Variants in KANSL3 observed in about 807,000 individuals in gnomAD.
The protein encoded by KANSL3 is NSL complex protein NSL3.
Under a neutral mutation model 89.2 loss-of-function variants are expected in KANSL3, and 16 were observed. The observed-to-expected ratio is 0.18, with a 90% CI of 0.12 to 0.27. The LOEUF is 0.27. KANSL3 is among the 10% of genes least tolerant of loss of function. The pLI, the probability that KANSL3 is intolerant of heterozygous loss-of-function variation, is 1.00. For missense variants in KANSL3, 879 were observed against 1,110.6 expected (o/e 0.79, Z 2.96); for synonymous variants, 385 against 419.7 (o/e 0.92, Z 1.01).
At chr2:96,598,908 CAAAAAAAA>C (rs10551331) in intron 20 of KANSL3, among the ~76,000 whole-genome samples, 96 of 44,968 alleles carry the variant, frequency 2.1e-3, no homozygotes, top group East Asian at 4.5e-3. Context: ...GAGACTGTCT[CAAAAAAAA>C]AAAAAAAAAA....
At chr2:96,628,550 G>A (rs1188331154) in intron 3 of KANSL3, 2 of 165,300 alleles carry the variant, frequency 1.2e-5, no homozygotes, top group East Asian at 3.3e-4. Context: ...GGGAGGTTAA[G>A]GTTCCCACCC....
rs1553408799 is a variant in KANSL3 at position 96,602,872 on chromosome 2, G to A, written c.2150-10C>T. 6.2e-7 allele frequency: 1 copy of A among 1,612,494 alleles called. No homozygotes were observed. The highest frequency in any genetic ancestry group is 8.5e-7 in the Non-Finnish European group (1 of 1,178,682). ...CTGGCTGATGTGGCCCCTAAGAGAG[G>A]ACATAGCAGGAATCAGTAGAGACTC... On this transcript the variant is annotated splice_polypyrimidine_tract_variant and intron_variant, in intron 17 of 20. Transcript: ENST00000431828.
At chr2:96,632,260 AAGTTCAAGACC>A (rs963073742) in intron 2 of KANSL3, among the ~76,000 whole-genome samples, 2 of 152,136 alleles carry the variant, frequency 1.3e-5, no homozygotes, top group African/African-American at 4.8e-5. Context: ...TTAAGCCCAG[AAGTTCAAGACC>A]AGTTTGGCAA....
the KANSL3 span, among the ~76,000 whole-genome samples, chr2:96,587,743 A>G: frequency 6.6e-6 from 1 of 152,246 alleles, no homozygotes; most frequent in Non-Finnish European, 1.5e-5. Flanking sequence ...TCAAGCAGCC[A>G]TCATTTAAAA....
At position 96,613,627 on chromosome 2, in the gene KANSL3, G is replaced by T. The variant is rs746883341; in HGVS notation, c.664-8C>A. Reference sequence around the variant, plus strand: ...GTCAATCAAGGTTGGGATCTACAAAGAAGAAAGAGCAAAGATGACTCCAGT... The same window carrying T: ...GTCAATCAAGGTTGGGATCTACAAATAAGAAAGAGCAAAGATGACTCCAGT... On this transcript the variant is annotated splice_region_variant and splice_polypyrimidine_tract_variant and intron_variant, in intron 5 of 20. Coordinates refer to ENST00000431828, the MANE Select transcript of KANSL3 (RefSeq NM_001115016.3). The T allele has an allele frequency of 6.2e-7, 1 of 1,610,998 alleles. No individual in the cohort carries two copies. The highest frequency in any genetic ancestry group is 1.3e-5 in the African/African-American group (1 of 74,764).
intron 3 of KANSL3, among the ~76,000 whole-genome samples, chr2:96,623,449 A>T (rs1004561515): frequency 2.6e-5 from 4 of 152,226 alleles, no homozygotes; most frequent in Non-Finnish European, 5.9e-5. Context: ...TAGGAACACC[A>T]ACAGTATGGC....
Position 96,615,699 on chromosome 2 carries a change from G to A in KANSL3, c.664-2080C>T, listed in dbSNP as rs186235327. ...AAGTTGCTCTTAATTTAAAAACAGG[G>A]ACACTAAAAGGATTTCTGTATGAGA... On this transcript the variant is annotated intron_variant, in intron 5 of 20. Coordinates refer to ENST00000431828, the MANE Select transcript of KANSL3 (RefSeq NM_001115016.3). Among the ~76,000 whole-genome samples the A allele has an allele frequency of 1.2e-4, 19 of 152,296 alleles. 2 individuals are homozygous for A. Among genetic ancestry groups the A allele is most frequent in the African/African-American group, 4.6e-4 (19 of 41,566 alleles).
chr2:96,631,192 T>G, intron 3 of KANSL3, 120 bp downstream of exon 3: 1 of 735,018 alleles, frequency 1.4e-6, no homozygotes, highest in African/African-American at 1.7e-5. Context: ...ATGTGAGACT[T>G]TGGAGAACAC....
chr2:96,619,153 C>G (rs1026629296), intron 5 of KANSL3, among the ~76,000 whole-genome samples: 4 of 152,246 alleles, frequency 2.6e-5, no homozygotes, highest in Admixed American at 6.5e-5. Context: ...CCCCATACCT[C>G]ATCCTGGAGC....
At chr2:96,629,895 T>C (rs568328217) in intron 3 of KANSL3, among the ~76,000 whole-genome samples, 2 of 152,338 alleles carry the variant, frequency 1.3e-5, no homozygotes, top group South Asian at 4.1e-4. Flanking sequence ...CATTTCCTTA[T>C]ATATATAGTA....
intron 5 of KANSL3, among the ~76,000 whole-genome samples, chr2:96,618,158 C>G (rs1282288689): frequency 6.8e-6 from 1 of 146,514 alleles, no homozygotes; most frequent in Non-Finnish European, 1.5e-5. Flanking sequence ...ATCCTGTCTC[C>G]AAAGAAAAAA....
chr2:96,622,857 G>A (rs1377871689), intron 3 of KANSL3, among the ~76,000 whole-genome samples: 1 of 152,172 alleles, frequency 6.6e-6, no homozygotes, highest in Non-Finnish European at 1.5e-5. Flanking sequence ...ACGCCAACCT[G>A]AAACAATGGC....
the KANSL3 span, among the ~76,000 whole-genome samples, chr2:96,587,587 A>G: frequency 6.6e-6 from 1 of 152,254 alleles, no homozygotes; most frequent in Non-Finnish European, 1.5e-5. Context: ...AGTTTCATAG[A>G]TAACACTCAA....
intron 20 of KANSL3, chr2:96,600,435 T>A (rs552191558): frequency 2.0e-6 from 2 of 984,314 alleles, no homozygotes; most frequent in South Asian, 4.7e-5. Context: ...AACATTTCCA[T>A]CCCTCTGCAA....
chr2:96,606,994 G>A, intron 14 of KANSL3: 1 of 1,289,732 alleles, frequency 7.8e-7, no homozygotes, highest in South Asian at 1.2e-5. Flanking sequence ...GAGGTGCCAG[G>A]AGGAAGAGCT....
rs967766066 is a variant in KANSL3, at chr2:96,594,410, T to A, written c.*1201A>T. On this transcript the variant is annotated 3_prime_UTR_variant, in exon 21 of 21. Transcript: ENST00000431828. ...AGGTAAGCAGGGGATCAGAGCTCCA[T>A]CTTCTGTGACCACTTCTCCAGGGAC... 1.3e-5 allele frequency: 2 copies of A among 152,258 alleles called. No individual in the cohort carries two copies. The highest frequency in any genetic ancestry group is 4.8e-5 in the African/African-American group (2 of 41,460). 9.4% of individuals were successfully genotyped at this position (152,258 alleles called of 1,614,324 possible).
At chr2:96,618,731 A>G (rs919667776) in intron 5 of KANSL3, among the ~76,000 whole-genome samples, 4 of 152,254 alleles carry the variant, frequency 2.6e-5, no homozygotes, top group African/African-American at 9.6e-5. Context: ...TTACACAGCT[A>G]ATCAGTAACA....
intron 12 of KANSL3, 77 bp downstream of exon 12, chr2:96,609,422 A>G (rs2068519248): frequency 2.3e-6 from 3 of 1,326,644 alleles, no homozygotes; most frequent in Non-Finnish European, 3.3e-6. Flanking sequence ...CAAAGAGACC[A>G]CTACCAATAA....
intron 5 of KANSL3, chr2:96,615,594 GA>G: frequency 1.9e-6 from 2 of 1,075,324 alleles, no homozygotes; most frequent in Non-Finnish European, 2.5e-6. Flanking sequence ...TTCAGAGAAA[GA>G]AAAAGGTTTT....
Sources: gnomAD v4.1 joint callset for allele counts (sites outside exome capture counted in the v4.1 genomes callset) on GRCh38, gnomAD v4.1.1 for gene constraint, MANE v1.5 for transcripts, NCBI Gene and HGNC (gene_info 2026-07-23, HGNC 2026-07-21) for gene names.